Variants in SULF2 observed in about 807,000 individuals in gnomAD.
The protein encoded by SULF2 is sulfatase 2, also known as extracellular sulfatase Sulf-2.
A neutral mutation model predicts 107.7 loss-of-function variants in SULF2; 52 were observed. The observed-to-expected ratio is 0.48, with a 90% confidence interval of 0.39 to 0.61. SULF2 has a LOEUF of 0.61. Ranked by LOEUF, SULF2 falls within the 20% of genes least tolerant of loss-of-function variation. The pLI, the probability that SULF2 is intolerant of heterozygous loss-of-function variation, is 0.00. For missense variants in SULF2, 993 were observed against 1,177.3 expected, an observed-to-expected ratio of 0.84 and a Z score of 2.29; for synonymous variants, 460 against 464.3, an observed-to-expected ratio of 0.99 and a Z score of 0.12.
Position 47,672,360 on chromosome 20 carries a change from G to A in SULF2, c.1414C>T (p.Leu472=), listed in dbSNP as rs200406397. ...GGGCCCTTGCACTTATGCAGCTTCA[G>A]CTTCCCCGTGGCGTCCTCCACACAC... ...WQCVEDATGK[L]KLHKCKGPMR... is the part of the protein sequence containing the mutation. Residue 472 remains leucine (L), a synonymous_variant, in exon 11 of 21, where the codon CTG becomes TTG. Coordinates refer to ENST00000688720, the MANE Select transcript of SULF2 (RefSeq NM_001387048.1). 3 of 1,612,374 alleles carry A rather than the reference G, an allele frequency of 1.9e-6. No homozygotes were observed. Among genetic ancestry groups the A allele is most frequent in the African/African-American group, 2.7e-5 (2 of 74,884 alleles).
intron 1 of SULF2, among the ~76,000 whole-genome samples, chr20:47,762,486 G>C (rs2090437346): frequency 6.6e-6 from 1 of 152,366 alleles, no homozygotes; most frequent in Non-Finnish European, 1.5e-5. Context: ...CTGAGGCACA[G>C]AGAGTTAAAA....
chr20:47,667,216 G>A (rs1480551757), intron 11 of SULF2, among the ~76,000 whole-genome samples: 1 of 152,182 alleles, frequency 6.6e-6, no homozygotes, highest in Non-Finnish European at 1.5e-5. Context: ...GGGCCCTGCA[G>A]TGCCTGTCTC....
Position 47,678,511 on chromosome 20 carries a change from A to ACCATGCTTCTCTCCCACGGGGG in SULF2, c.1193+164_1193+165insCCCCCGTGGGAGAGAAGCATGG. ...GGGAAGACAGAATCTCGGAGAGGGG[A>ACCATGCTTCTCTCCCACGGGGG]CCATGCTTCTCTCCCACAGCAGGTA... is the stretch of plus-strand genomic sequence containing the variant. On this transcript the variant is annotated intron_variant, in intron 8 of 20. Coordinates refer to ENST00000688720, the MANE Select transcript of SULF2 (RefSeq NM_001387048.1). The surrounding 1 kb of genome is among the most constrained non-coding windows in gnomAD (Gnocchi z 4.5). 1 of 879,064 alleles carries ACCATGCTTCTCTCCCACGGGGG rather than the reference A, an allele frequency of 1.1e-6. No individual in the cohort carries two copies. The highest frequency in any genetic ancestry group is 1.8e-6 in the Non-Finnish European group (1 of 570,474). The allele number at this position is 879,064 out of a possible 1,614,324, so 54.5% of individuals were successfully genotyped here.
chr20:47,764,317 C>T lies in SULF2; in HGVS notation c.-100-6854G>A, dbSNP rs555739837. On this transcript the variant is annotated intron_variant, in intron 1 of 20. Coordinates refer to ENST00000688720, the MANE Select transcript of SULF2 (RefSeq NM_001387048.1). ...TCATTTTTGTTCAGATCTATATCCTCAACAATTAAAACAATGCTTGCGGCA... is the reference window on the plus strand; with the variant it reads ...TCATTTTTGTTCAGATCTATATCCTTAACAATTAAAACAATGCTTGCGGCA... 3.9e-5 allele frequency among the ~76,000 whole-genome samples: 6 copies of T among 152,166 alleles called. No individual in the cohort carries two copies. In the South Asian group the frequency reaches 1.0e-3, roughly 26 times the overall value.
intron 4 of SULF2, among the ~76,000 whole-genome samples, chr20:47,696,690 G>A (rs1357228118): frequency 6.6e-6 from 1 of 152,160 alleles, no homozygotes; most frequent in Admixed American, 6.5e-5. Flanking sequence ...TTGCAGTAAG[G>A]AGTGTGGTGG....
intron 1 of SULF2, among the ~76,000 whole-genome samples, chr20:47,764,434 CTCT>C (rs1342877610): frequency 6.6e-6 from 1 of 152,138 alleles, no homozygotes; most frequent in Non-Finnish European, 1.5e-5. Context: ...GCCACAAGTG[CTCT>C]TATTTCCCAC....
intron 1 of SULF2, among the ~76,000 whole-genome samples, chr20:47,776,752 G>T (rs2090732805): frequency 6.6e-6 from 1 of 152,160 alleles, no homozygotes; most frequent in African/African-American, 2.4e-5. Flanking sequence ...TGGCATAAAG[G>T]GGACGATCCT....
chr20:47,681,207 C>T (rs1426291918), intron 7 of SULF2, among the ~76,000 whole-genome samples: 1 of 152,142 alleles, frequency 6.6e-6, no homozygotes, highest in Non-Finnish European at 1.5e-5. Context: ...CTGGATCCAG[C>T]CATGCCTGAG....
At chr20:47,773,254 GA>G (rs2090665043) in intron 1 of SULF2, among the ~76,000 whole-genome samples, 1 of 152,196 alleles carries the variant, frequency 6.6e-6, no homozygotes, top group African/African-American at 2.4e-5. Flanking sequence ...AGGAGAAAAT[GA>G]ATGAATGAAG....
chr20:47,756,979 C>T (rs571226400), intron 2 of SULF2, among the ~76,000 whole-genome samples: 3 of 152,192 alleles, frequency 2.0e-5, no homozygotes, highest in Non-Finnish European at 4.4e-5. Context: ...AATCCAGGAA[C>T]GGTTGTGCAA....
chr20:47,659,834 G>T, intron 18 of SULF2, 104 bp from the exon 19 acceptor site: 1 of 822,996 alleles, frequency 1.2e-6, no homozygotes, highest in Non-Finnish European at 2.0e-6. Context: ...ACAATCCCAT[G>T]ATGCTGATAG....
chr20:47,702,700 G>A (rs763320389), intron 3 of SULF2, 30 bp from the exon 4 acceptor site: 22 of 1,609,670 alleles, frequency 1.4e-5, no homozygotes, highest in Non-Finnish European at 1.9e-5. Context: ...AGGAGGCCAC[G>A]TGAGAAAGTG....
intron 3 of SULF2, among the ~76,000 whole-genome samples, chr20:47,734,007 A>C (rs2146772714): frequency 6.6e-6 from 1 of 152,296 alleles, no homozygotes; most frequent in Non-Finnish European, 1.5e-5. Context: ...CCTAGACTTC[A>C]CTTGTCCTTC....
chr20:47,760,086 T>C (rs2063097834), intron 1 of SULF2, among the ~76,000 whole-genome samples: 1 of 152,184 alleles, frequency 6.6e-6, no homozygotes, highest in African/African-American at 2.4e-5. Flanking sequence ...TCTACATGGC[T>C]CAGAGGCGTC....
chr20:47,757,493 T>G, intron 1 of SULF2, 30 bp from the exon 2 acceptor site: 1 of 1,115,746 alleles, frequency 9.0e-7, no homozygotes, highest in Non-Finnish European at 1.2e-6. Context: ...CAGGTCAATA[T>G]TTATGTCAAG....
chr20:47,694,295 T>C lies in SULF2; in HGVS notation c.568-4000A>G, dbSNP rs1227006845. On this transcript the variant is annotated intron_variant, in intron 4 of 20. Coordinates refer to ENST00000688720, the MANE Select transcript of SULF2 (RefSeq NM_001387048.1). The surrounding 1 kb of genome is among the most constrained non-coding windows in gnomAD (Gnocchi z 4.4). ...GGACAGCCACTGGGTGGATGTGGGGTGCGGGAGGGGCGGGTGACCCCCACC... is the reference window on the plus strand; with the variant it reads ...GGACAGCCACTGGGTGGATGTGGGGCGCGGGAGGGGCGGGTGACCCCCACC... Among the ~76,000 whole-genome samples, 1 of 151,426 alleles carries C rather than the reference T, an allele frequency of 6.6e-6. No homozygotes were observed. The highest frequency in any genetic ancestry group is 2.4e-5 in the African/African-American group (1 of 41,178).
chr20:47,750,356 G>C (rs1452825092), intron 2 of SULF2, among the ~76,000 whole-genome samples: 1 of 152,168 alleles, frequency 6.6e-6, no homozygotes, highest in African/African-American at 2.4e-5. Flanking sequence ...CCACAACCTT[G>C]GAGTCATTCT....
chr20:47,680,368 G>A lies in SULF2; in HGVS notation c.1065-1564C>T, dbSNP rs778115890. 3.3e-5 allele frequency among the ~76,000 whole-genome samples: 5 copies of A among 152,240 alleles called. No individual in the cohort carries two copies. Among genetic ancestry groups the A allele is most frequent in the Non-Finnish European group, 5.9e-5 (4 of 68,040 alleles). ...TACATCCGCCTCAGCCTCCCAAAGT[G>A]CTGGGATTACAGGCATGAGCCACCT... On this transcript the variant is annotated intron_variant, in intron 7 of 20. Coordinates refer to ENST00000688720, the MANE Select transcript of SULF2 (RefSeq NM_001387048.1). This position sits in a 1 kb window ranked among gnomAD's most constrained non-coding sequence, Gnocchi z 4.2.
At chr20:47,675,692 G>A (rs776704916) in intron 10 of SULF2, among the ~76,000 whole-genome samples, 1 of 151,956 alleles carries the variant, frequency 6.6e-6, no homozygotes, top group Non-Finnish European at 1.5e-5. Context: ...ACACACCTCC[G>A]GCACCCCTTG....
Sources: gnomAD v4.1 joint callset for allele counts (sites outside exome capture counted in the v4.1 genomes callset) on GRCh38, gnomAD v4.1.1 for gene constraint, Gnocchi (gnomAD v3.1) non-coding constraint, MANE v1.5 for transcripts, NCBI Gene and HGNC (gene_info 2026-07-23, HGNC 2026-07-21) for gene names.